ZNF865: variants seen among roughly 807,000 people sequenced by gnomAD.
The protein encoded by ZNF865 is zinc finger protein 865.
For missense variants in ZNF865, 1,311 were observed against 1,593.4 expected (o/e 0.82, Z 3.02); for synonymous variants, 763 against 750.8 (o/e 1.02, Z -0.27).
Position 55,611,754 on chromosome 19 carries a change from G to T in ZNF865, c.-26-1839G>T, listed in dbSNP as rs118172962. On this transcript the variant is annotated intron_variant, in intron 1 of 1. Coordinates refer to ENST00000568956, the MANE Select transcript of ZNF865 (RefSeq NM_001195605.2). The surrounding 1 kb of genome is among the most constrained non-coding windows in gnomAD (Gnocchi z 4.5). ...CTGGGCTTAGAGCCTGGCCCCCATC[G>T]GGTAGGGATGATGGACAGGAAGCGG... Among the ~76,000 whole-genome samples, 2,133 of 152,262 alleles carry T rather than the reference G, an allele frequency of 0.014. 12 individuals carry two copies. Among genetic ancestry groups the T allele is most frequent in the Middle Eastern group, 0.024 (7 of 294 alleles).
In ZNF865 at chr19:55,613,617, AG is replaced by A; in HGVS notation, c.-1del. ...GGGTCTCCCGTCTCCCACCCGCCGG[AG>A]ATGGAGGCGAACCCAGCGGGCAGCG... On this transcript the variant is annotated 5_prime_UTR_variant, in exon 2 of 2. Coordinates refer to ENST00000568956, the MANE Select transcript of ZNF865 (RefSeq NM_001195605.2). 1.3e-6 allele frequency: 2 copies of A among 1,512,922 alleles called. No homozygotes were observed. Among genetic ancestry groups the A allele is most frequent in the Non-Finnish European group, 1.8e-6 (2 of 1,135,328 alleles). 93.7% of individuals were successfully genotyped at this position (1,512,922 alleles called of 1,614,324 possible). A position where few individuals can be genotyped will look rare whatever the true frequency, so the allele number is the denominator to read the frequency against.
rs895112445 is a variant in ZNF865, at chr19:55,617,005, C to T, written c.*207C>T. On this transcript the variant is annotated 3_prime_UTR_variant, in exon 2 of 2. Coordinates refer to ENST00000568956, the MANE Select transcript of ZNF865 (RefSeq NM_001195605.2). ...TCTGCCCTCCCCTCATCCCATCAGACACTGAACCCTATCCTCCGTCCAACC... is the reference window on the plus strand; with the variant it reads ...TCTGCCCTCCCCTCATCCCATCAGATACTGAACCCTATCCTCCGTCCAACC... 3 of 480,726 alleles carry T rather than the reference C, an allele frequency of 6.2e-6. No homozygotes were observed. Among genetic ancestry groups the T allele is most frequent in the Non-Finnish European group, 1.1e-5 (3 of 283,440 alleles). The allele number at this position is 480,726 out of a possible 1,614,324, so 29.8% of individuals were successfully genotyped here.
At position 55,615,144 on chromosome 19, in the gene ZNF865, CCGCGGCGGCGGT is replaced by C. The variant is rs1981304229; in HGVS notation, c.1527_1538del (p.Ala510_Val513del). On this transcript the variant is annotated inframe_deletion, in exon 2 of 2. Transcript: ENST00000568956. ...ACAGACAGCGAGAAGGCGGCGGCGG[CCGCGGCGGCGGT>C]GGTGTACGGCGCTGTGCCCGTCCCG... The C allele has an allele frequency of 4.2e-6, 5 of 1,192,504 alleles. No homozygotes were observed. The highest frequency in any genetic ancestry group is 8.6e-5 in the East Asian group (2 of 23,220). 73.9% of individuals were successfully genotyped at this position (1,192,504 alleles called of 1,614,324 possible).
At chr19:55,608,633 G>A (rs984065048) in intron 1 of ZNF865, among the ~76,000 whole-genome samples, 1 of 152,180 alleles carries the variant, frequency 6.6e-6, no homozygotes, top group African/African-American at 2.4e-5. Flanking sequence ...GCTTTTGAAT[G>A]AGATGGGGTT....
chr19:55,614,651 G>T lies in ZNF865; in HGVS notation c.1033G>T (p.Gly345Cys). 1 of 1,538,456 alleles carries T rather than the reference G, an allele frequency of 6.5e-7. No individual in the cohort carries two copies. The highest frequency in any genetic ancestry group is 8.7e-7 in the Non-Finnish European group (1 of 1,149,538). Residue 345 changes from glycine to cysteine, a missense_variant, in exon 2 of 2, where the codon GGT (glycine) becomes TGT (cysteine). By Grantham distance (159) the Gly-to-Cys change is radical (BLOSUM62 -3). Transcript: ENST00000568956. The surrounding 1 kb of genome is among the most constrained non-coding windows in gnomAD (Gnocchi z 8.0). Reference protein sequence around the residue: ...GVGVPPPATGGGDGPFACPLC... With the variant: ...GVGVPPPATGCGDGPFACPLC... Reference sequence around the variant, plus strand: ...TGGGGTGCCCCCTCCTGCCACCGGGGGTGGCGATGGCCCGTTCGCCTGCCC... The same window carrying T: ...TGGGGTGCCCCCTCCTGCCACCGGGTGTGGCGATGGCCCGTTCGCCTGCCC...
At position 55,616,448 on chromosome 19, in the gene ZNF865, C is replaced by G; in HGVS notation, c.2830C>G (p.Arg944Gly). ...CSACGKTFRYRSNLLEHQRLH... is the reference protein window; with the variant it reads ...CSACGKTFRYGSNLLEHQRLH... ...CGCCTGTGGCAAGACCTTCCGCTAC[C>G]GCTCCAACCTGCTGGAGCACCAGCG... The change falls in exon 2 of 2, where the codon CGC becomes GGC. Residue 944 changes from arginine (R) to glycine (G), a missense_variant. Arg to Gly is a moderately radical substitution (Grantham distance 125). Coordinates refer to ENST00000568956, the MANE Select transcript of ZNF865 (RefSeq NM_001195605.2). The G allele has an allele frequency of 6.5e-7, 1 of 1,527,092 alleles. No homozygotes were observed. The highest frequency in any genetic ancestry group is 8.8e-7 in the Non-Finnish European group (1 of 1,142,536). 94.6% of individuals were successfully genotyped at this position (1,527,092 alleles called of 1,614,324 possible). A position where few individuals can be genotyped will look rare whatever the true frequency, so the allele number is the denominator to read the frequency against.
Position 55,616,021 on chromosome 19 carries a change from C to G in ZNF865, c.2403C>G (p.Phe801Leu), listed in dbSNP as rs1334968493. 1.3e-6 allele frequency: 2 copies of G among 1,526,926 alleles called. No individual in the cohort carries two copies. Among genetic ancestry groups the G allele is most frequent in the Non-Finnish European group, 1.7e-6 (2 of 1,143,152 alleles). 94.6% of individuals were successfully genotyped at this position (1,526,926 alleles called of 1,614,324 possible). Residue 801 changes from phenylalanine to leucine, a missense_variant, in exon 2 of 2, where the codon TTC becomes TTG. Transcript: ENST00000568956. ...RFSCATCGQSFKHFLGLVTHK... is the reference protein window; with the variant it reads ...RFSCATCGQSLKHFLGLVTHK... ...GCTGTGCCACGTGCGGCCAGAGTTT[C>G]AAGCACTTCCTGGGCCTCGTGACTC...
chr19:55,612,890 TC>T (rs1981189072), intron 1 of ZNF865: 1 of 152,244 alleles, frequency 6.6e-6, no homozygotes, highest in African/African-American at 2.4e-5. Flanking sequence ...CCCAGAGTCC[TC>T]CCTCCTAATT....
Position 55,613,857 on chromosome 19 carries a change from C to T in ZNF865, c.239C>T (p.Pro80Leu), listed in dbSNP as rs1981230818. ...CCCCCTCCCCCGCAGTATGACTACCCGCCCCAGTCCACCTTCAAGCCCAAG... is the reference window on the plus strand; with the variant it reads ...CCCCCTCCCCCGCAGTATGACTACCTGCCCCAGTCCACCTTCAAGCCCAAG... ...PQPPPPQYDY[P>L]PQSTFKPKAE... Residue 80 changes from proline (P) to leucine (L), a missense_variant, in exon 2 of 2, where the codon CCG (proline) becomes CTG (leucine). By Grantham distance (98) the Pro-to-Leu change is moderately conservative (BLOSUM62 -3). Coordinates refer to ENST00000568956, the MANE Select transcript of ZNF865 (RefSeq NM_001195605.2). 1 of 1,496,364 alleles carries T rather than the reference C, an allele frequency of 6.7e-7. No homozygotes were observed. The highest frequency in any genetic ancestry group is 9.0e-7 in the Non-Finnish European group (1 of 1,114,352). The allele number at this position is 1,496,364 out of a possible 1,614,324, so 92.7% of individuals were successfully genotyped here.
At position 55,615,641 on chromosome 19, in the gene ZNF865, G is replaced by A. The variant is rs868781634; in HGVS notation, c.2023G>A (p.Gly675Ser). Reference sequence around the variant, plus strand: ...GCTGAGCTACGCCTGCTCGGACTGCGGCGAGCACTTCCCGGATCTCTTTCA... The same window carrying A: ...GCTGAGCTACGCCTGCTCGGACTGCAGCGAGCACTTCCCGGATCTCTTTCA... ...DGLSYACSDC[G>S]EHFPDLFHVM... The change falls in exon 2 of 2, where the codon GGC (glycine) becomes AGC (serine). Residue 675 changes from glycine to serine, a missense_variant. Coordinates refer to ENST00000568956, the MANE Select transcript of ZNF865 (RefSeq NM_001195605.2). 1.2e-4 allele frequency: 187 copies of A among 1,534,616 alleles called. No individual in the cohort carries two copies. In the Middle Eastern group the frequency reaches 1.5e-3, roughly 12 times the overall value.
intron 1 of ZNF865, among the ~76,000 whole-genome samples, chr19:55,609,638 C>T (rs1410423127): frequency 2.0e-5 from 3 of 152,210 alleles, no homozygotes; most frequent in Non-Finnish European, 4.4e-5. Context: ...GAATGCCTTC[C>T]CCATGCTGCT....
rs567375583 is a variant in ZNF865 at position 55,606,908 on chromosome 19, T to C, written c.-27+1176T>C. Among the ~76,000 whole-genome samples, 76 of 152,270 alleles carry C rather than the reference T, an allele frequency of 5.0e-4. 1 individual carries two copies. In the South Asian group the frequency reaches 0.016, roughly 31 times the overall value. On this transcript the variant is annotated intron_variant, in intron 1 of 1. Transcript: ENST00000568956. ...AACTACTTTAGAGGTGAAAGCTGAA[T>C]TACAAGTGGCAGCTTAGCCATGCAA...
rs1981255371 is a variant in ZNF865, at chr19:55,614,257, C to T, written c.639C>T (p.Phe213=). The change falls in exon 2 of 2, where the codon TTC becomes TTT. Residue 213 remains phenylalanine (F), a synonymous_variant. Transcript: ENST00000568956. The surrounding 1 kb of genome is among the most constrained non-coding windows in gnomAD (Gnocchi z 8.0). ...CDPTKDDKGY[F]RRLKYLMERR... ...CCACCAAGGACGACAAGGGCTACTT[C>T]CGGAGACTGAAGTACCTGATGGAGC... 2.4e-5 allele frequency: 36 copies of T among 1,515,756 alleles called. No individual in the cohort carries two copies. The highest frequency in any genetic ancestry group is 3.2e-5 in the Non-Finnish European group (36 of 1,137,454). 93.9% of individuals were successfully genotyped at this position (1,515,756 alleles called of 1,614,324 possible).
intron 1 of ZNF865, among the ~76,000 whole-genome samples, chr19:55,607,576 C>T (rs1333047588): frequency 6.6e-6 from 1 of 151,780 alleles, no homozygotes; most frequent in African/African-American, 2.4e-5. Flanking sequence ...AAAACAAAAA[C>T]CAAGAGTATA....
intron 1 of ZNF865, among the ~76,000 whole-genome samples, chr19:55,606,647 C>T (rs1980954394): frequency 6.6e-6 from 1 of 152,240 alleles, no homozygotes; most frequent in Non-Finnish European, 1.5e-5. Context: ...CTCAGGCTAT[C>T]GTCCTGGACT....
At position 55,616,164 on chromosome 19, in the gene ZNF865, G is replaced by A; in HGVS notation, c.2546G>A (p.Arg849His). ...RRSHRQKRGF[R>H]CPVCGKRFWE... ...AGCCATCGGCAGAAGCGGGGTTTCCGCTGCCCGGTGTGCGGGAAGCGCTTC... is the reference window on the plus strand; with the variant it reads ...AGCCATCGGCAGAAGCGGGGTTTCCACTGCCCGGTGTGCGGGAAGCGCTTC... Residue 849 changes from arginine to histidine, a missense_variant, in exon 2 of 2, where the codon CGC becomes CAC. Transcript: ENST00000568956. The A allele has an allele frequency of 6.6e-7, 1 of 1,510,984 alleles. No homozygotes were observed. The highest frequency in any genetic ancestry group is 8.8e-7 in the Non-Finnish European group (1 of 1,133,472). The allele number at this position is 1,510,984 out of a possible 1,614,324, so 93.6% of individuals were successfully genotyped here. A position where few individuals can be genotyped will look rare whatever the true frequency, so the allele number is the denominator to read the frequency against.
At chr19:55,609,608 T>G (rs887066639) in intron 1 of ZNF865, among the ~76,000 whole-genome samples, 18 of 152,238 alleles carry the variant, frequency 1.2e-4, no homozygotes, top group Admixed American at 2.6e-4. Flanking sequence ...TTCCTCTTTA[T>G]TGGCCACATG....
chr19:55,615,956 G>T lies in ZNF865; in HGVS notation c.2338G>T (p.Gly780Cys), dbSNP rs1350271143. The T allele has an allele frequency of 2.0e-6, 3 of 1,513,116 alleles. No individual in the cohort carries two copies. In the African/African-American group the frequency reaches 4.2e-5, roughly 21 times the overall value. The allele number at this position is 1,513,116 out of a possible 1,614,324, so 93.7% of individuals were successfully genotyped here. A position where few individuals can be genotyped will look rare whatever the true frequency, so the allele number is the denominator to read the frequency against. Residue 780 changes from glycine to cysteine, a missense_variant, in exon 2 of 2, where the codon GGT becomes TGT. Gly to Cys is a radical substitution (Grantham distance 159). Transcript: ENST00000568956. ...GGACGCAGGCGGGGCGGCGGTGGCA[G>T]GTGCTGGCGGGGGTGCCAGTTCCGG... ...GEDAGGAAVA[G>C]AGGGASSGPE...
chr19:55,612,048 A>G (rs1381073383), intron 1 of ZNF865, among the ~76,000 whole-genome samples: 1 of 152,194 alleles, frequency 6.6e-6, no homozygotes, highest in African/African-American at 2.4e-5. Context: ...ACTAAGGGCA[A>G]GGATGGAACT....
Sources: allele counts gnomAD v4.1 joint callset (sites outside exome capture counted in the v4.1 genomes callset), GRCh38; gene constraint gnomAD v4.1.1; non-coding constraint Gnocchi (gnomAD v3.1); transcripts MANE v1.5; gene names NCBI Gene and HGNC (gene_info 2026-07-23, HGNC 2026-07-21).